OR4N2: variants seen among roughly 807,000 people sequenced by gnomAD.
The protein encoded by OR4N2 is olfactory receptor 4N2.
For missense variants in OR4N2, 307 were observed against 377.6 expected (o/e 0.81, Z 1.55); for synonymous variants, 141 against 140.4 (o/e 1.00, Z -0.03).
chr14:19,812,302 CT>C (rs202011658), intron 1 of OR4N2, among the ~76,000 whole-genome samples: 35 of 132,172 alleles, frequency 2.6e-4, no homozygotes, highest in Admixed American at 9.3e-4. Context: ...TTTGACTTTT[CT>C]TTTTTTTTTT....
intron 1 of OR4N2, among the ~76,000 whole-genome samples, chr14:19,819,046 G>A (rs1439447003): frequency 6.6e-6 from 1 of 152,254 alleles, no homozygotes; most frequent in South Asian, 2.1e-4. Context: ...TCTGCAGAGA[G>A]ATCCACTGTT....
chr14:19,815,345 C>G (rs977520024), intron 1 of OR4N2, among the ~76,000 whole-genome samples: 2 of 152,184 alleles, frequency 1.3e-5, no homozygotes, highest in East Asian at 3.8e-4. Context: ...TGTTTCCTGA[C>G]CTTTTAATGA....
At chr14:19,805,049 A>AT (rs1197547858) in intron 1 of OR4N2, among the ~76,000 whole-genome samples, 5 of 152,048 alleles carry the variant, frequency 3.3e-5, no homozygotes, top group Admixed American at 1.3e-4. Context: ...TGCTTGGTCT[A>AT]TTTTTTCTCC....
intron 1 of OR4N2, among the ~76,000 whole-genome samples, chr14:19,804,650 C>G (rs1879119527): frequency 6.6e-6 from 1 of 152,216 alleles, no homozygotes; most frequent in African/African-American, 2.4e-5. Flanking sequence ...GTGCCATATG[C>G]AGATGAGAAG....
chr14:19,805,838 A>G (rs1258966748), intron 1 of OR4N2, among the ~76,000 whole-genome samples: 25 of 152,192 alleles, frequency 1.6e-4, no homozygotes, highest in African/African-American at 6.0e-4. Context: ...AGGTCAGGTT[A>G]TGTACGAAGG....
chr14:19,811,498 G>C (rs1686572), intron 1 of OR4N2, among the ~76,000 whole-genome samples: 11,914 of 149,854 alleles, frequency 0.08, 85 homozygotes, highest in East Asian at 0.18. Context: ...CGCCCTCCTA[G>C]GCCCCCCAAA....
intron 1 of OR4N2, among the ~76,000 whole-genome samples, chr14:19,816,238 A>T (rs1343785709): frequency 6.6e-6 from 1 of 152,250 alleles, no homozygotes; most frequent in Non-Finnish European, 1.5e-5. Context: ...CTGTGAAGAA[A>T]GTCAGTGGTA....
intron 1 of OR4N2, among the ~76,000 whole-genome samples, chr14:19,812,179 ATTC>A (rs1446267703): frequency 2.6e-5 from 4 of 152,146 alleles, no homozygotes; most frequent in African/African-American, 4.8e-5. Context: ...AAATGTTATT[ATTC>A]TTCTTCCACT....
At chr14:19,817,103 T>C (rs1294030681) in intron 1 of OR4N2, among the ~76,000 whole-genome samples, 1 of 152,244 alleles carries the variant, frequency 6.6e-6, no homozygotes, top group African/African-American at 2.4e-5. Context: ...CAGTATTTTA[T>C]TGAGGATTTT....
At chr14:19,826,139 T>C (rs192778713) in intron 1 of OR4N2, among the ~76,000 whole-genome samples, 48 of 152,370 alleles carry the variant, frequency 3.2e-4, no homozygotes, top group African/African-American at 1.0e-3. Flanking sequence ...ACCGACTAAA[T>C]ATAGATAAAT....
intron 1 of OR4N2, among the ~76,000 whole-genome samples, chr14:19,810,157 A>C (rs1035169188): frequency 2.2e-4 from 33 of 152,374 alleles, no homozygotes; most frequent in African/African-American, 7.5e-4. Flanking sequence ...TCGAGCAAAA[A>C]ACAATCTCTT....
intron 1 of OR4N2, among the ~76,000 whole-genome samples, chr14:19,820,217 G>T (rs1218542486): frequency 3.9e-5 from 6 of 152,252 alleles, no homozygotes; most frequent in African/African-American, 1.4e-4. Flanking sequence ...CAAGCGCTTT[G>T]CTGGGAGATC....
chr14:19,808,236 C>T (rs1157793129), intron 1 of OR4N2, among the ~76,000 whole-genome samples: 2 of 152,126 alleles, frequency 1.3e-5, no homozygotes, highest in Non-Finnish European at 2.9e-5. Flanking sequence ...CTAGCCATAG[C>T]AATTATGCAA....
chr14:19,805,815 G>T (rs1165200472), intron 1 of OR4N2, among the ~76,000 whole-genome samples: 1 of 152,082 alleles, frequency 6.6e-6, no homozygotes, highest in East Asian at 1.9e-4. Flanking sequence ...AAAGAAAAGG[G>T]ATCTAGAAAG....
intron 1 of OR4N2, 53 bp from the exon 2 acceptor site, chr14:19,827,387 C>A: frequency 2.8e-6 from 4 of 1,448,974 alleles, no homozygotes; most frequent in Non-Finnish European, 3.7e-6. Flanking sequence ...TAACTAGTAT[C>A]TAGTTGGAAG....
At chr14:19,819,740 T>A (rs1340153678) in intron 1 of OR4N2, among the ~76,000 whole-genome samples, 2 of 152,204 alleles carry the variant, frequency 1.3e-5, no homozygotes, top group African/African-American at 4.8e-5. Context: ...TGGCAAGGAG[T>A]TGTGATCCTT....
intron 1 of OR4N2, among the ~76,000 whole-genome samples, chr14:19,806,597 A>G (rs1289817236): frequency 1.3e-5 from 2 of 152,314 alleles, no homozygotes; most frequent in East Asian, 3.9e-4. Flanking sequence ...CTACCAAAAG[A>G]CTTAGACAAT....
At chr14:19,821,257 A>G (rs1281550880) in intron 1 of OR4N2, among the ~76,000 whole-genome samples, 1 of 152,190 alleles carries the variant, frequency 6.6e-6, no homozygotes, top group Non-Finnish European at 1.5e-5. Context: ...CGTGGGCTGC[A>G]CCCACTGTCT....
At chr14:19,812,780 C>G (rs751985844) in intron 1 of OR4N2, among the ~76,000 whole-genome samples, 3 of 151,910 alleles carry the variant, frequency 2.0e-5, no homozygotes, top group Admixed American at 6.6e-5. Context: ...GCTTATTGGC[C>G]GTAAACATGT....
Sources: allele counts gnomAD v4.1 joint callset (sites outside exome capture counted in the v4.1 genomes callset), GRCh38; gene constraint gnomAD v4.1.1; transcripts MANE v1.5; gene names NCBI Gene and HGNC (gene_info 2026-07-23, HGNC 2026-07-21).